The following SEMA6D variants were observed in gnomAD, a reference collection of about 807,000 sequenced individuals.
SEMA6D encodes the protein semaphorin 6D.
In SEMA6D, 35 loss-of-function variants were observed where a neutral mutation model predicts 106.6. That is an observed-to-expected ratio of 0.33 (90% CI 0.25 to 0.44). The LOEUF (loss-of-function observed/expected upper bound fraction) is 0.44. Among genes scored for constraint, SEMA6D ranks in the 20% least tolerant of loss-of-function variants. The pLI, the probability that SEMA6D is intolerant of heterozygous loss-of-function variation, is 1.00. For synonymous variants in SEMA6D, 499 were observed against 487.7 expected (o/e 1.02, Z -0.31); for missense variants, 1,185 against 1,345.9 (o/e 0.88, Z 1.87).
At chr15:47,368,829 G>T (rs959218549) in intron 1 of SEMA6D, among the ~76,000 whole-genome samples, 5 of 152,156 alleles carry the variant, frequency 3.3e-5, no homozygotes, top group African/African-American at 7.2e-5. Flanking sequence ...ACTTCCTAGC[G>T]TTGAACATTT....
At chr15:47,289,393 CAAAAAAAAAAA>C (rs746946975) in intron 1 of SEMA6D, among the ~76,000 whole-genome samples, 9 of 46,558 alleles carry the variant, frequency 1.9e-4, no homozygotes, top group Non-Finnish European at 8.4e-5. Context: ...AACTCCATCT[CAAAAAAAAAAA>C]AAAAAAAAAA....
At chr15:47,455,216 T>C (rs111748436) in intron 2 of SEMA6D, among the ~76,000 whole-genome samples, 60 of 151,786 alleles carry the variant, frequency 4.0e-4, no homozygotes, top group Admixed American at 8.5e-4. Flanking sequence ...GGCAGGACAA[T>C]TGGAAAGGCA....
intron 3 of SEMA6D, among the ~76,000 whole-genome samples, chr15:47,560,638 A>G (rs1390586821): frequency 6.6e-6 from 1 of 152,120 alleles, no homozygotes; most frequent in Non-Finnish European, 1.5e-5. Context: ...GTAAAGGGGG[A>G]ATATTATGAG....
chr15:47,235,134 A>G (rs1263474460), intron 1 of SEMA6D, among the ~76,000 whole-genome samples: 10 of 151,936 alleles, frequency 6.6e-5, no homozygotes, highest in Non-Finnish European at 1.3e-4. Context: ...AGCCATTTAT[A>G]TATCTTTTGA....
At chr15:47,218,089 CAATT>C (rs1169917340) in intron 1 of SEMA6D, among the ~76,000 whole-genome samples, 7 of 152,012 alleles carry the variant, frequency 4.6e-5, no homozygotes, top group South Asian at 2.1e-4. Context: ...GACTTTGGAC[CAATT>C]AATTAACCTT....
chr15:47,513,736 T>C (rs1566846751), intron 3 of SEMA6D, among the ~76,000 whole-genome samples: 1 of 152,232 alleles, frequency 6.6e-6, no homozygotes, highest in Non-Finnish European at 1.5e-5. Context: ...TCTTGAAGCA[T>C]ATCAAGCGAA....
At chr15:47,712,370 C>T (rs559827266) in intron 4 of SEMA6D, among the ~76,000 whole-genome samples, 63 of 152,130 alleles carry the variant, frequency 4.1e-4, no homozygotes, top group Middle Eastern at 3.4e-3. Flanking sequence ...GCAAACAAAC[C>T]GGGATTAGAA....
intron 1 of SEMA6D, among the ~76,000 whole-genome samples, chr15:47,228,909 T>C (rs1234409494): frequency 6.6e-6 from 1 of 151,998 alleles, no homozygotes; most frequent in African/African-American, 2.4e-5. Flanking sequence ...CCATCACAGC[T>C]CCTAGAAAAT....
intron 1 of SEMA6D, among the ~76,000 whole-genome samples, chr15:47,261,894 C>A (rs1275720154): frequency 6.8e-6 from 1 of 147,446 alleles, no homozygotes; most frequent in African/African-American, 2.7e-5. Context: ...TATGAATATA[C>A]CATATTTTGC....
intron 1 of SEMA6D, among the ~76,000 whole-genome samples, chr15:47,312,566 A>G (rs1315601960): frequency 6.6e-6 from 1 of 152,066 alleles, no homozygotes. Flanking sequence ...CCCTCTTTAC[A>G]TTCTTAACCT....
chr15:47,755,168 T>C (rs754493104), intron 1 of SEMA6D, among the ~76,000 whole-genome samples: 4 of 152,084 alleles, frequency 2.6e-5, no homozygotes, highest in Non-Finnish European at 5.9e-5. Flanking sequence ...GTCAGGCTGG[T>C]CTCAAACTCC....
At chr15:47,703,573 C>A (rs764629383) in intron 4 of SEMA6D, among the ~76,000 whole-genome samples, 3 of 152,036 alleles carry the variant, frequency 2.0e-5, no homozygotes, top group Non-Finnish European at 4.4e-5. Context: ...TCCAGAAACT[C>A]CTGCAGAGAA....
At chr15:47,608,498 G>A (rs1001207679) in intron 4 of SEMA6D, among the ~76,000 whole-genome samples, 3 of 152,128 alleles carry the variant, frequency 2.0e-5, no homozygotes, top group African/African-American at 7.2e-5. Context: ...GTTACCAACT[G>A]TTATCTGGTG....
At chr15:47,509,584 T>C (rs985102225) in intron 3 of SEMA6D, among the ~76,000 whole-genome samples, 4 of 152,232 alleles carry the variant, frequency 2.6e-5, no homozygotes, top group African/African-American at 9.6e-5. Flanking sequence ...TGTATCTCCA[T>C]ACAGCTACTT....
At chr15:47,691,627 A>T (rs1219276242) in intron 4 of SEMA6D, among the ~76,000 whole-genome samples, 1 of 152,180 alleles carries the variant, frequency 6.6e-6, no homozygotes, top group East Asian at 1.9e-4. Context: ...GTAAGGCCAG[A>T]CCAATAGTAG....
At chr15:47,544,897 T>C in intron 3 of SEMA6D, among the ~76,000 whole-genome samples, 1 of 152,224 alleles carries the variant, frequency 6.6e-6, no homozygotes, top group East Asian at 1.9e-4. Flanking sequence ...TGTTAAACGA[T>C]ATGAATGGCT....
chr15:47,277,086 T>G (rs1332321395), intron 1 of SEMA6D, among the ~76,000 whole-genome samples: 1 of 152,162 alleles, frequency 6.6e-6, no homozygotes, highest in Non-Finnish European at 1.5e-5. Context: ...AAGCTGAGAC[T>G]GAATTGCTGC....
At chr15:47,681,211 G>T (rs920636035) in intron 4 of SEMA6D, among the ~76,000 whole-genome samples, 1 of 152,154 alleles carries the variant, frequency 6.6e-6, no homozygotes, top group Non-Finnish European at 1.5e-5. Flanking sequence ...TGAATAGATG[G>T]ATTTATGAAT....
intron 1 of SEMA6D, among the ~76,000 whole-genome samples, chr15:47,199,273 C>G (rs1566921137): frequency 1.3e-5 from 2 of 152,262 alleles, no homozygotes; most frequent in East Asian, 3.9e-4. Context: ...TTCAGCTGCT[C>G]TCATTACCAG....
Sources: gnomAD v4.1 joint callset for allele counts (sites outside exome capture counted in the v4.1 genomes callset) on GRCh38, gnomAD v4.1.1 for gene constraint, MANE v1.5 for transcripts, NCBI Gene and HGNC (gene_info 2026-07-23, HGNC 2026-07-21) for gene names.